Variants in DPP6 observed in about 807,000 individuals in gnomAD.
The protein encoded by DPP6 is dipeptidyl peptidase like 6, also known as A-type potassium channel modulatory protein DPP6.
DPP6 carries 69 observed loss-of-function variants against 122.6 expected under a neutral mutation model. The ratio of observed to expected loss-of-function variants is 0.56; its 90% CI spans 0.46 to 0.69. DPP6 has a LOEUF of 0.69. Ranked by LOEUF, DPP6 falls within the 30% of genes least tolerant of loss-of-function variation. The probability of loss-of-function intolerance (pLI) is 0.00; values close to 1 mark genes in which losing one functional copy is unlikely to be tolerated. For synonymous variants in DPP6, 418 were observed against 433.1 expected, an observed-to-expected ratio of 0.97 and a Z score of 0.43; for missense variants, 928 against 1,116.9, an observed-to-expected ratio of 0.83 and a Z score of 2.41.
chr7:154,716,773 A>G (rs1319413600), intron 7 of DPP6, among the ~76,000 whole-genome samples: 1 of 146,394 alleles, frequency 6.8e-6, no homozygotes, highest in East Asian at 1.9e-4. Flanking sequence ...TTTTTAGATT[A>G]CACATAATAA....
At chr7:153,992,979 C>T (rs990820385) in intron 1 of DPP6, among the ~76,000 whole-genome samples, 3 of 151,944 alleles carry the variant, frequency 2.0e-5, no homozygotes, top group Non-Finnish European at 4.4e-5. Flanking sequence ...TAGCTCTCTC[C>T]CCCTACCTCC....
chr7:153,908,135 G>C (rs945814131), intron 1 of DPP6, among the ~76,000 whole-genome samples: 3 of 144,948 alleles, frequency 2.1e-5, no homozygotes, highest in African/African-American at 7.6e-5. Context: ...TCAAAACATT[G>C]AGTTCTTTAT....
At chr7:154,247,306 C>G (rs1191420292) in intron 1 of DPP6, among the ~76,000 whole-genome samples, 1 of 152,024 alleles carries the variant, frequency 6.6e-6, no homozygotes, top group African/African-American at 2.4e-5. Flanking sequence ...GAGTGAGACT[C>G]AGTCTCAAAA....
At chr7:153,980,577 G>C (rs200276541) in intron 1 of DPP6, among the ~76,000 whole-genome samples, 3 of 152,020 alleles carry the variant, frequency 2.0e-5, no homozygotes, top group East Asian at 1.9e-4. Flanking sequence ...ATTATTTACT[G>C]TCTTCTGCTA....
intron 1 of DPP6, among the ~76,000 whole-genome samples, chr7:154,229,152 G>A (rs1275837260): frequency 6.6e-6 from 1 of 152,110 alleles, no homozygotes; most frequent in African/African-American, 2.4e-5. Flanking sequence ...AAGCCAACAA[G>A]CAAAATGCCT....
chr7:154,519,759 T>C (rs1016963563), intron 3 of DPP6, among the ~76,000 whole-genome samples: 1 of 152,230 alleles, frequency 6.6e-6, no homozygotes, highest in African/African-American at 2.4e-5. Context: ...ACAAGCTTTA[T>C]CATAGATTCT....
Position 154,282,712 on chromosome 7 carries a change from C to T in DPP6, c.244-163502C>T, listed in dbSNP as rs190236358. On this transcript the variant is annotated intron_variant, in intron 1 of 25. Transcript: ENST00000377770. This position sits in a 1 kb window ranked among gnomAD's most constrained non-coding sequence, Gnocchi z 4.8. ...TTATACTAGTTAGGCATCAAAAAGA[C>T]CATTGTTCTCCCAGACTTTCAGTAT... Among the ~76,000 whole-genome samples the T allele has an allele frequency of 1.3e-5, 2 of 152,260 alleles. No homozygotes were observed. The highest frequency in any genetic ancestry group is 2.9e-5 in the Non-Finnish European group (2 of 68,014).
chr7:154,241,013 T>C lies in DPP6; in HGVS notation c.243+187950T>C, dbSNP rs1801556905. 6.6e-6 allele frequency among the ~76,000 whole-genome samples: 1 copy of C among 152,196 alleles called. No homozygotes were observed. The highest frequency in any genetic ancestry group is 1.5e-5 in the Non-Finnish European group (1 of 68,032). ...TTTAAGGAATTCAACCTAAGAATAG[T>C]AGGCCAGCTCATTCTCAGTCATTAT... On this transcript the variant is annotated intron_variant, in intron 1 of 25. Transcript: ENST00000377770. This position sits in a 1 kb window ranked among gnomAD's most constrained non-coding sequence, Gnocchi z 9.0.
intron 1 of DPP6, among the ~76,000 whole-genome samples, chr7:153,971,676 C>T (rs71545700): frequency 0.088 from 11,664 of 133,214 alleles, 460 homozygotes; most frequent in African/African-American, 0.1. Flanking sequence ...TGAATTTTGA[C>T]GTGTGATTAT....
chr7:154,674,986 A>G (rs1447729969), intron 7 of DPP6, among the ~76,000 whole-genome samples: 1 of 152,182 alleles, frequency 6.6e-6, no homozygotes, highest in Non-Finnish European at 1.5e-5. Flanking sequence ...TCAAAATGGG[A>G]GATTTGAGTC....
chr7:154,464,046 C>G (rs905533989), intron 2 of DPP6, among the ~76,000 whole-genome samples: 1 of 152,202 alleles, frequency 6.6e-6, no homozygotes, highest in African/African-American at 2.4e-5. Context: ...AATTGCAGTT[C>G]TTGCGGCCTA....
intron 1 of DPP6, among the ~76,000 whole-genome samples, chr7:154,200,959 G>A (rs1451345838): frequency 6.6e-6 from 1 of 151,934 alleles, no homozygotes; most frequent in Non-Finnish European, 1.5e-5. Flanking sequence ...AAAATTGTGG[G>A]CTTCTCTTCC....
chr7:154,538,258 C>A (rs184363030), intron 3 of DPP6, among the ~76,000 whole-genome samples: 1 of 152,004 alleles, frequency 6.6e-6, no homozygotes, highest in Non-Finnish European at 1.5e-5. Context: ...TTATTAAGTT[C>A]CGGGATACAT....
chr7:154,788,020 A>C (rs1299473244), intron 10 of DPP6, among the ~76,000 whole-genome samples: 1 of 152,178 alleles, frequency 6.6e-6, no homozygotes, highest in East Asian at 1.9e-4. Context: ...ATTTATCATC[A>C]AATTGATAGT....
chr7:154,442,553 A>G (rs1819476579), intron 1 of DPP6, among the ~76,000 whole-genome samples: 3 of 152,152 alleles, frequency 2.0e-5, no homozygotes, highest in African/African-American at 7.2e-5. Context: ...GGGGACATGG[A>G]AGGGAATGAC....
intron 1 of DPP6, among the ~76,000 whole-genome samples, chr7:154,219,519 T>G (rs575247983): frequency 6.6e-6 from 1 of 152,314 alleles, no homozygotes; most frequent in African/African-American, 2.4e-5. Flanking sequence ...TTGAAGAGTT[T>G]TTTGTTTAAT....
chr7:154,041,758 TGTTG>T lies in DPP6; in HGVS notation c.51+154025_51+154028del, dbSNP rs1434586790. Among the ~76,000 whole-genome samples the T allele has an allele frequency of 6.2e-4, 93 of 149,848 alleles. 1 individual carries two copies. The South Asian group carries it at 9.4e-3, about 15-fold the overall frequency. On this transcript the variant is annotated intron_variant, in intron 1 of 25. Transcript: ENST00000404039. ...CCCTTCTTCTCATGTTTGTTTTTTT[TGTTG>T]TTTGTTTGTTTGAGACAGAGTCTGT...
In DPP6 at chr7:153,988,737, C is replaced by A. The variant is rs545721355; in HGVS notation, c.51+101003C>A. Among the ~76,000 whole-genome samples, 4 of 152,324 alleles carry A rather than the reference C, an allele frequency of 2.6e-5. No homozygotes were observed. In the East Asian group the frequency reaches 7.7e-4, roughly 29 times the overall value. ...GAGCTTCTCAGCGTGGATAGGAAAT[C>A]ATGGAAATGAGGAATGATCTAGCCT... On this transcript the variant is annotated intron_variant, in intron 1 of 25. Coordinates refer to the DPP6 transcript ENST00000404039.
the DPP6 span, among the ~76,000 whole-genome samples, chr7:153,870,037 C>A: frequency 6.6e-6 from 1 of 152,206 alleles, no homozygotes; most frequent in Non-Finnish European, 1.5e-5. Context: ...GTCTGATGGG[C>A]TTCCCTTTGT....
Sources: allele counts gnomAD v4.1 joint callset (sites outside exome capture counted in the v4.1 genomes callset), GRCh38; gene constraint gnomAD v4.1.1; non-coding constraint Gnocchi (gnomAD v3.1); transcripts MANE v1.5; gene names NCBI Gene and HGNC (gene_info 2026-07-23, HGNC 2026-07-21).